C13orf42: variants seen among roughly 807,000 people sequenced by gnomAD.
The protein encoded by C13orf42 is uncharacterized protein C13orf42.
chr13:51,107,369 A>C (rs1323235306), intron 1 of C13orf42, among the ~76,000 whole-genome samples: 3 of 152,256 alleles, frequency 2.0e-5, no homozygotes, highest in African/African-American at 7.2e-5. Context: ...GTGCTAAGCA[A>C]GGAACAGGAG....
At chr13:51,111,523 G>A (rs568743184), upstream of C13orf42, among the ~76,000 whole-genome samples, 3 of 152,336 alleles carry the variant, frequency 2.0e-5, no homozygotes, top group Middle Eastern at 3.4e-3. Context: ...GTGCTCTCCC[G>A]TGGAAGGCCC....
chr13:51,122,610 T>A (rs868399150), intron 1 of C13orf42, among the ~76,000 whole-genome samples: 62 of 151,978 alleles, frequency 4.1e-4, no homozygotes, highest in Middle Eastern at 3.4e-3. Flanking sequence ...GCTTAAAAAA[T>A]TTTTTTAAAC....
rs142772142 is a variant in C13orf42, at chr13:51,146,142, T to C, written n.136+26111A>G. 1.2e-3 allele frequency among the ~76,000 whole-genome samples: 180 copies of C among 151,712 alleles called. 3 individuals are homozygous for C. The East Asian group carries it at 0.032, about 27-fold the overall frequency. ...TAAATGTTCTTACCTAAATAAAACT[T>C]TAAAATTTGTTTAAATAAAAAATAA... On this transcript the variant is annotated intron_variant and non_coding_transcript_variant, in intron 1 of 4. Transcript: ENST00000433280.
chr13:51,151,046 C>G (rs891394442), intron 1 of C13orf42, among the ~76,000 whole-genome samples: 5 of 152,218 alleles, frequency 3.3e-5, no homozygotes, highest in Non-Finnish European at 7.3e-5. Context: ...CAAATTCACT[C>G]TATAGACACT....
At chr13:51,170,537 C>T (rs978443511) in intron 1 of C13orf42, among the ~76,000 whole-genome samples, 4 of 152,096 alleles carry the variant, frequency 2.6e-5, no homozygotes, top group African/African-American at 4.8e-5. Context: ...TCAATCTTGG[C>T]GCCACACTTC....
chr13:51,107,072 C>T (rs753898676), intron 1 of C13orf42, among the ~76,000 whole-genome samples: 8 of 152,226 alleles, frequency 5.3e-5, no homozygotes, highest in Non-Finnish European at 8.8e-5. Flanking sequence ...CAGACCCACC[C>T]GAGGCTCACC....
At chr13:51,120,191 A>C (rs190518263) in intron 1 of C13orf42, among the ~76,000 whole-genome samples, 79 of 152,338 alleles carry the variant, frequency 5.2e-4, no homozygotes, top group South Asian at 2.1e-4. Flanking sequence ...CTGACTACGT[A>C]TGCTGGGCTT....
At chr13:51,091,481 C>A (rs1953179981) in intron 1 of C13orf42, among the ~76,000 whole-genome samples, 1 of 152,136 alleles carries the variant, frequency 6.6e-6, no homozygotes, top group African/African-American at 2.4e-5. Flanking sequence ...CTTAGCCCTG[C>A]CTGCCTTCCC....
intron 1 of C13orf42, among the ~76,000 whole-genome samples, chr13:51,119,887 C>T (rs980691620): frequency 6.6e-6 from 1 of 151,968 alleles, no homozygotes; most frequent in Non-Finnish European, 1.5e-5. Flanking sequence ...TTAAAAATGG[C>T]TAAAATGATA....
chr13:51,170,246 A>G, intron 1 of C13orf42, among the ~76,000 whole-genome samples: 1 of 152,144 alleles, frequency 6.6e-6, no homozygotes, highest in Non-Finnish European at 1.5e-5. Flanking sequence ...GCCTGCACCC[A>G]GGTGAAATAA....
At chr13:51,115,308 T>C (rs1300159150), upstream of C13orf42, among the ~76,000 whole-genome samples, 3 of 152,182 alleles carry the variant, frequency 2.0e-5, no homozygotes, top group Non-Finnish European at 4.4e-5. Flanking sequence ...AGTGCTAAGT[T>C]TCCCTAAGAT....
intron 1 of C13orf42, among the ~76,000 whole-genome samples, chr13:51,124,027 C>T (rs1283021938): frequency 6.6e-6 from 1 of 152,178 alleles, no homozygotes; most frequent in African/African-American, 2.4e-5. Flanking sequence ...GCAACTTCCC[C>T]ACTTACTCTT....
chr13:51,111,216 C>G lies in C13orf42; in HGVS notation c.-7G>C, dbSNP rs1011329550. 38 of 398,410 alleles carry G rather than the reference C, an allele frequency of 9.5e-5. No individual in the cohort carries two copies. Among genetic ancestry groups the G allele is most frequent in the Non-Finnish European group, 1.4e-4 (31 of 226,126 alleles). 24.7% of individuals were successfully genotyped at this position (398,410 alleles called of 1,614,324 possible). A position where few individuals can be genotyped will look rare whatever the true frequency, so the allele number is the denominator to read the frequency against. On this transcript the variant is annotated 5_prime_UTR_variant, in exon 1 of 4. Coordinates refer to ENST00000563710, the MANE Select transcript of C13orf42 (RefSeq NM_001351589.3). ...AGTGGATCTTTCTGAACATAGTGCTCGATTTCTTTCTGTGGGTACCTTCCA... is the reference window on the plus strand; with the variant it reads ...AGTGGATCTTTCTGAACATAGTGCTGGATTTCTTTCTGTGGGTACCTTCCA...
intron 1 of C13orf42, among the ~76,000 whole-genome samples, chr13:51,118,580 G>A (rs1476828518): frequency 6.6e-6 from 1 of 152,212 alleles, no homozygotes; most frequent in African/African-American, 2.4e-5. Flanking sequence ...GGCTTTCAAG[G>A]TGGTGGTTTT....
intron 1 of C13orf42, among the ~76,000 whole-genome samples, chr13:51,125,664 C>A (rs971584542): frequency 1.1e-4 from 17 of 152,078 alleles, no homozygotes; most frequent in African/African-American, 3.1e-4. Context: ...AAGCTCCACC[C>A]CCCAGTGTCT....
chr13:51,151,376 A>G (rs527443089), intron 1 of C13orf42, among the ~76,000 whole-genome samples: 2 of 42,264 alleles, frequency 4.7e-5, no homozygotes, highest in South Asian at 1.2e-3. Context: ...CTGGAAAAGG[A>G]AAAAAAAAAG....
intron 1 of C13orf42, among the ~76,000 whole-genome samples, chr13:51,150,297 T>C (rs1953768738): frequency 6.6e-6 from 1 of 152,202 alleles, no homozygotes; most frequent in Non-Finnish European, 1.5e-5. Context: ...ACTTGGTCAT[T>C]GTATGTCACA....
intron 1 of C13orf42, among the ~76,000 whole-genome samples, chr13:51,097,068 T>G (rs567958530): frequency 1.1e-3 from 174 of 152,376 alleles, no homozygotes; most frequent in African/African-American, 3.5e-3. Context: ...ACTCAACGTA[T>G]CCTGAGGATC....
chr13:51,124,768 C>G (rs991785542), intron 1 of C13orf42, among the ~76,000 whole-genome samples: 1 of 152,146 alleles, frequency 6.6e-6, no homozygotes, highest in African/African-American at 2.4e-5. Context: ...GTTAGAGAAC[C>G]ACCCACTTAG....
Sources: gnomAD v4.1 joint callset for allele counts (sites outside exome capture counted in the v4.1 genomes callset) on GRCh38, gnomAD v4.1.1 for gene constraint, MANE v1.5 for transcripts, NCBI Gene and HGNC (gene_info 2026-07-23, HGNC 2026-07-21) for gene names.